The following TTC7B variants were observed in gnomAD, a reference collection of about 807,000 sequenced individuals.
TTC7B encodes the protein tetratricopeptide repeat protein 7B.
In TTC7B, 28 loss-of-function variants were observed where a neutral mutation model predicts 106.8. The observed-to-expected ratio is 0.26, with a 90% CI of 0.19 to 0.36. The LOEUF is 0.36. Ranked by LOEUF, TTC7B falls within the 10% of genes least tolerant of loss-of-function variation. TTC7B has a pLI of 1.00. For synonymous variants in TTC7B, 405 were observed against 430.6 expected, an observed-to-expected ratio of 0.94 and a Z score of 0.74; for missense variants, 862 against 1,076.4, an observed-to-expected ratio of 0.80 and a Z score of 2.79.
chr14:90,601,636 T>C (rs1349060615), intron 17 of TTC7B, among the ~76,000 whole-genome samples: 2 of 152,158 alleles, frequency 1.3e-5, no homozygotes. Flanking sequence ...AAAAAACAAC[T>C]GCTAGGGCAC....
Position 90,535,605 on chromosome 14 carries a change from A to G in TTC7B, c.*5763T>C, listed in dbSNP as rs1273954374. ...CTCAACACGGCCCCTTCCCCACCGGACTCCTAACCTGTGTTCTCAGCTCCC... is the reference window on the plus strand; with the variant it reads ...CTCAACACGGCCCCTTCCCCACCGGGCTCCTAACCTGTGTTCTCAGCTCCC... On this transcript the variant is annotated 3_prime_UTR_variant, in exon 20 of 20. Transcript: ENST00000328459. The G allele has an allele frequency of 6.6e-5, 10 of 152,116 alleles. No individual in the cohort carries two copies. Among genetic ancestry groups the G allele is most frequent in the Admixed American group, 6.6e-4 (10 of 15,258 alleles). The allele number at this position is 152,116 out of a possible 1,614,324, so 9.4% of individuals were successfully genotyped here.
chr14:90,720,815 C>T (rs1294536549), intron 5 of TTC7B, among the ~76,000 whole-genome samples: 1 of 152,100 alleles, frequency 6.6e-6, no homozygotes, highest in African/African-American at 2.4e-5. Context: ...AAGGCATAGC[C>T]CACTGGTAAT....
intron 9 of TTC7B, among the ~76,000 whole-genome samples, chr14:90,673,276 T>C (rs967062866): frequency 1.3e-5 from 2 of 152,228 alleles, no homozygotes; most frequent in Non-Finnish European, 2.9e-5. Context: ...GTCAACTATC[T>C]CAGGAGAGCT....
intron 15 of TTC7B, among the ~76,000 whole-genome samples, chr14:90,639,194 A>G (rs1315213946): frequency 6.6e-6 from 1 of 152,230 alleles, no homozygotes; most frequent in Non-Finnish European, 1.5e-5. Context: ...AAAGGAAACG[A>G]CTTCTACTTT....
At position 90,535,359 on chromosome 14, in the gene TTC7B, AC is replaced by A; in HGVS notation, c.*6008del. Reference sequence around the variant, plus strand: ...TCCTTCCCTTCCTGGTCCATTCGCCACCCCACCCTGCCCGAAGTTGGCTCCC... The same window carrying A: ...TCCTTCCCTTCCTGGTCCATTCGCCACCCACCCTGCCCGAAGTTGGCTCCC... On this transcript the variant is annotated 3_prime_UTR_variant, in exon 20 of 20. Transcript: ENST00000328459. 6.6e-6 allele frequency: 1 copy of A among 152,544 alleles called. No homozygotes were observed. The highest frequency in any genetic ancestry group is 1.5e-5 in the Non-Finnish European group (1 of 68,286). The allele number at this position is 152,544 out of a possible 1,614,324, so 9.4% of individuals were successfully genotyped here. A position where few individuals can be genotyped will look rare whatever the true frequency, so the allele number is the denominator to read the frequency against.
rs1164270155 is a variant in TTC7B, at chr14:90,644,206, G to T, written c.1593C>A (p.Ile531=). Residue 531 remains isoleucine, a splice_region_variant and synonymous_variant, in exon 15 of 20, where the codon ATC becomes ATA. Coordinates refer to ENST00000328459, the MANE Select transcript of TTC7B (RefSeq NM_001010854.2). ...LALQLAISRQ[I]PEALGYVRQA... Reference sequence around the variant, plus strand: ...GGCGGACATACCCCAGAGCCTCTGGGATCTGGTTTAAAACAAAACCAAAAA... The same window carrying T: ...GGCGGACATACCCCAGAGCCTCTGGTATCTGGTTTAAAACAAAACCAAAAA... 1 of 1,584,754 alleles carries T rather than the reference G, an allele frequency of 6.3e-7. No homozygotes were observed. Among genetic ancestry groups the T allele is most frequent in the Non-Finnish European group, 8.6e-7 (1 of 1,169,204 alleles).
At chr14:90,582,218 C>G (rs188704593) in intron 18 of TTC7B, among the ~76,000 whole-genome samples, 1 of 152,236 alleles carries the variant, frequency 6.6e-6, no homozygotes, top group African/African-American at 2.4e-5. Flanking sequence ...GTTTGCCCCC[C>G]TCTCTCTGCC....
At chr14:90,582,441 C>T (rs1891538513) in intron 18 of TTC7B, among the ~76,000 whole-genome samples, 1 of 152,248 alleles carries the variant, frequency 6.6e-6, no homozygotes, top group African/African-American at 2.4e-5. Context: ...ACAGGAGTGG[C>T]AGGGATCAAG....
intron 15 of TTC7B, among the ~76,000 whole-genome samples, chr14:90,627,825 C>A (rs931949931): frequency 1.3e-5 from 2 of 152,182 alleles, no homozygotes; most frequent in Non-Finnish European, 2.9e-5. Flanking sequence ...CAGTTTGGCT[C>A]ATTTTTTGCT....
At chr14:90,626,133 A>G (rs1884428787) in intron 15 of TTC7B, among the ~76,000 whole-genome samples, 2 of 152,132 alleles carry the variant, frequency 1.3e-5, no homozygotes, top group Non-Finnish European at 2.9e-5. Context: ...ATAACTCTCC[A>G]TCCTAACCTG....
rs534482517 is a variant in TTC7B, at chr14:90,713,358, C to T, written c.698+16717G>A. Among the ~76,000 whole-genome samples the T allele has an allele frequency of 5.2e-4, 79 of 152,196 alleles. 1 individual carries two copies. The highest frequency in any genetic ancestry group is 3.9e-3 in the South Asian group (19 of 4,820). On this transcript the variant is annotated intron_variant, in intron 5 of 19. Coordinates refer to ENST00000328459, the MANE Select transcript of TTC7B (RefSeq NM_001010854.2). The stretch of plus-strand genomic sequence containing the variant: ...CTTAAACTCCTGACCTCAGGTGATC[C>T]GCTCACCTCAGCTTCCCAAAGTTCA...
chr14:90,698,496 G>C (rs1416993234), intron 5 of TTC7B: 1 of 152,178 alleles, frequency 6.6e-6, no homozygotes, highest in African/African-American at 2.4e-5. Context: ...ACAAATCCCT[G>C]ACATTAGGTC....
chr14:90,677,012 T>C (rs532356425), intron 8 of TTC7B, among the ~76,000 whole-genome samples: 2 of 152,168 alleles, frequency 1.3e-5, no homozygotes, highest in African/African-American at 2.4e-5. Context: ...AGCAGCCGAA[T>C]CATCCATCAA....
At chr14:90,740,623 T>C (rs1260756867) in intron 4 of TTC7B, among the ~76,000 whole-genome samples, 2 of 147,912 alleles carry the variant, frequency 1.4e-5, no homozygotes, top group African/African-American at 5.0e-5. Context: ...TGCCTCAGTC[T>C]CCCGAGTAGC....
intron 6 of TTC7B, among the ~76,000 whole-genome samples, chr14:90,694,237 C>CAAAAAAA (rs1475061722): frequency 6.6e-6 from 1 of 151,862 alleles, no homozygotes; most frequent in African/African-American, 2.4e-5. Flanking sequence ...GACTCTATCT[C>CAAAAAAA]AAAACAAAAA....
intron 7 of TTC7B, 88 bp downstream of exon 7, chr14:90,689,449 AAAT>A: frequency 8.6e-7 from 1 of 1,162,132 alleles, no homozygotes; most frequent in Non-Finnish European, 1.2e-6. Flanking sequence ...TTTAAGGAAA[AAAT>A]CTACTCTTGT....
chr14:90,694,677 AT>A (rs1312321683), intron 6 of TTC7B, among the ~76,000 whole-genome samples: 4 of 97,796 alleles, frequency 4.1e-5, no homozygotes, highest in Middle Eastern at 0.022. Flanking sequence ...ATATATGTAT[AT>A]TTTTATTTTA....
rs544842420 is a variant in TTC7B at position 90,552,799 on chromosome 14, G to A, written c.2311-11210C>T. On this transcript the variant is annotated intron_variant, in intron 19 of 19. Transcript: ENST00000328459. ...GGACACCTTTTCCCTTGGGCCTGGG[G>A]TCGAACACGGAAGGCAAATCTCCTC... is the stretch of plus-strand genomic sequence containing the variant. 2.2e-4 allele frequency among the ~76,000 whole-genome samples: 34 copies of A among 152,338 alleles called. No homozygotes were observed. The South Asian group carries it at 5.8e-3, about 26-fold the overall frequency.
At chr14:90,642,020 ATT>A (rs1407224387) in intron 15 of TTC7B, among the ~76,000 whole-genome samples, 1 of 152,122 alleles carries the variant, frequency 6.6e-6, no homozygotes, top group Non-Finnish European at 1.5e-5. Flanking sequence ...ACTGAATTCA[ATT>A]GCATCAGGTT....
Sources: allele counts gnomAD v4.1 joint callset (sites outside exome capture counted in the v4.1 genomes callset), GRCh38; gene constraint gnomAD v4.1.1; transcripts MANE v1.5; gene names NCBI Gene and HGNC (gene_info 2026-07-23, HGNC 2026-07-21).